HELZ: variants seen among roughly 807,000 people sequenced by gnomAD.
The protein encoded by HELZ is helicase with zinc finger.
A neutral mutation model predicts 218.2 loss-of-function variants in HELZ; 23 were observed. That is an observed-to-expected ratio of 0.11 (90% CI 0.08 to 0.15). HELZ has a LOEUF of 0.15. Among genes scored for constraint, HELZ ranks in the 10% least tolerant of loss-of-function variants. The pLI is 1.00. For missense variants in HELZ, 1,813 were observed against 2,353.7 expected, an observed-to-expected ratio of 0.77 and a Z score of 4.75; for synonymous variants, 814 against 829.4, an observed-to-expected ratio of 0.98 and a Z score of 0.32.
At chr17:67,226,845 AT>A (rs2040907074) in intron 3 of HELZ, among the ~76,000 whole-genome samples, 1 of 152,218 alleles carries the variant, frequency 6.6e-6, no homozygotes, top group Non-Finnish European at 1.5e-5. Context: ...ACTTGAATTA[AT>A]CTCAAAAACA....
At chr17:67,216,022 T>G (rs953333816) in intron 4 of HELZ, 87 bp from the exon 5 acceptor site, 6 of 795,698 alleles carry the variant, frequency 7.5e-6, no homozygotes, top group Non-Finnish European at 1.3e-5. Flanking sequence ...TGGCTTTGTT[T>G]CAAAGTTTAA....
intron 6 of HELZ, among the ~76,000 whole-genome samples, chr17:67,202,491 A>G (rs1162707576): frequency 1.3e-5 from 2 of 152,206 alleles, no homozygotes; most frequent in Non-Finnish European, 2.9e-5. Flanking sequence ...CAATTCAGCA[A>G]GACTCCGTAA....
intron 5 of HELZ, among the ~76,000 whole-genome samples, chr17:67,214,557 C>A (rs144198984): frequency 2.0e-5 from 3 of 151,598 alleles, no homozygotes; most frequent in South Asian, 4.2e-4. Context: ...TGAGCCACCA[C>A]GCCCGGCCTA....
chr17:67,110,775 C>T (rs1279903803), intron 28 of HELZ, among the ~76,000 whole-genome samples: 1 of 152,216 alleles, frequency 6.6e-6, no homozygotes, highest in African/African-American at 2.4e-5. Context: ...TAGAGCAGAA[C>T]AGCTCCAACA....
intron 31 of HELZ, among the ~76,000 whole-genome samples, chr17:67,096,274 A>G (rs911705293): frequency 6.6e-6 from 1 of 152,170 alleles, no homozygotes; most frequent in Non-Finnish European, 1.5e-5. Flanking sequence ...GCATGGATTC[A>G]GCATCATTCT....
chr17:67,181,820 G>A (rs551457714), intron 12 of HELZ, among the ~76,000 whole-genome samples: 23 of 151,594 alleles, frequency 1.5e-4, no homozygotes, highest in African/African-American at 5.3e-4. Context: ...CTAAGGATAC[G>A]GTATGCAAAA....
chr17:67,096,064 A>T (rs1352064593), intron 31 of HELZ, among the ~76,000 whole-genome samples: 2 of 152,230 alleles, frequency 1.3e-5, no homozygotes, highest in African/African-American at 4.8e-5. Context: ...CAGCTCCATC[A>T]GAGTTCTTGG....
In HELZ at chr17:67,112,584, T is replaced by C. The variant is rs545692561; in HGVS notation, c.3918+1740A>G. On this transcript the variant is annotated intron_variant, in intron 28 of 32. Transcript: ENST00000358691. ...AGTGGGTACTGAATCCTTCCATATA[T>C]AGAAGCTGTGAGTAAGAGATGCTTA... Among the ~76,000 whole-genome samples the C allele has an allele frequency of 2.0e-5, 3 of 152,310 alleles. No individual in the cohort carries two copies. In the South Asian group the frequency reaches 6.2e-4, roughly 32 times the overall value.
rs1054831977 is a variant in HELZ at position 67,138,096 on chromosome 17, G to A, written c.2788C>T (p.Arg930Cys). The part of the protein sequence containing the change: ...NNAEVFEVVE[R>C]VEELRRKWPV... ...CACTTCCTTCTTAACTCTTCTACAC[G>A]TTCCACCACTTCAAACACCTTTAAA... Residue 930 changes from arginine (R) to cysteine (C), a missense_variant, in exon 22 of 33, where the codon CGT becomes TGT. By Grantham distance (180) the Arg-to-Cys change is radical. Around this residue, in one of 4 missense-constraint regions of HELZ, gnomAD observed 156 missense variants for 274.4 expected, o/e 0.57. Coordinates refer to ENST00000358691, the MANE Select transcript of HELZ (RefSeq NM_014877.4). 3 of 1,608,630 alleles carry A rather than the reference G, an allele frequency of 1.9e-6. No individual in the cohort carries two copies. Among genetic ancestry groups the A allele is most frequent in the Non-Finnish European group, 1.7e-6 (2 of 1,177,192 alleles).
Position 67,233,874 on chromosome 17 carries a change from C to T in HELZ, c.-19+5559G>A, listed in dbSNP as rs553108368. 8.5e-4 allele frequency among the ~76,000 whole-genome samples: 129 copies of T among 151,894 alleles called. 1 individual carries two copies. Among genetic ancestry groups the T allele is most frequent in the Middle Eastern group, 3.4e-3 (1 of 294 alleles). On this transcript the variant is annotated intron_variant, in intron 3 of 32. Transcript: ENST00000358691. ...CTGTATACATAGAAACCCCCACCCCCGTCTCTACTAAAAATACAAAAATTA... is the reference window on the plus strand; with the variant it reads ...CTGTATACATAGAAACCCCCACCCCTGTCTCTACTAAAAATACAAAAATTA...
chr17:67,205,187 A>G lies in HELZ; in HGVS notation c.248-1744T>C, dbSNP rs1384700006. On this transcript the variant is annotated intron_variant, in intron 5 of 32. Coordinates refer to ENST00000358691, the MANE Select transcript of HELZ (RefSeq NM_014877.4). ...ACTAAAAATACAAAAATTAGCGGGCATGGTGGCAGGCACCTGTAATCCCAG... is the reference window on the plus strand; with the variant it reads ...ACTAAAAATACAAAAATTAGCGGGCGTGGTGGCAGGCACCTGTAATCCCAG... 2.0e-5 allele frequency among the ~76,000 whole-genome samples: 3 copies of G among 151,948 alleles called. No homozygotes were observed. The South Asian group carries it at 6.2e-4, about 32-fold the overall frequency.
Position 67,107,240 on chromosome 17 carries a change from T to C in HELZ, c.5170A>G (p.Ile1724Val), listed in dbSNP as rs201814902. ...FVQIQNHQHA[I>V]GQEPFHPLSS... ...AATGGGTGAAATGGCTCTTGACCAA[T>C]AGCATGTTGATGATTCTGTATTTGT... The change falls in exon 31 of 33, where the codon ATT (isoleucine) becomes GTT (valine). Residue 1724 changes from isoleucine to valine, a missense_variant. Physicochemically the swap from Ile to Val is conservative, Grantham distance 29. Transcript: ENST00000358691. 39 of 1,614,120 alleles carry C rather than the reference T, an allele frequency of 2.4e-5. No individual in the cohort carries two copies. The Admixed American group carries it at 2.8e-4, about 12-fold the overall frequency.
chr17:67,217,625 G>A (rs982577827), intron 4 of HELZ, among the ~76,000 whole-genome samples: 2 of 151,998 alleles, frequency 1.3e-5, no homozygotes, highest in Non-Finnish European at 2.9e-5. Context: ...CCTCTCCACC[G>A]CGTGCACTCT....
At chr17:67,123,815 C>CTG (rs58616216) in intron 25 of HELZ, 148 bp downstream of exon 25, 61,393 of 530,938 alleles carry the variant, frequency 0.12, 1,086 homozygotes, top group Middle Eastern at 0.12. Flanking sequence ...TCCAAAGTGA[C>CTG]TGTGTGTGTG....
intron 5 of HELZ, among the ~76,000 whole-genome samples, chr17:67,214,048 TGGGGGAAGGA>T (rs1411387523): frequency 4.2e-4 from 64 of 152,252 alleles, no homozygotes; most frequent in African/African-American, 1.5e-3. Flanking sequence ...CTTCTTCAGA[TGGGGGAAGGA>T]TAAATTTTTC....
rs2035955204 is a variant in HELZ, at chr17:67,073,971, G to A, written c.*4281C>T. The A allele has an allele frequency of 6.6e-6, 1 of 152,148 alleles. No individual in the cohort carries two copies. Among genetic ancestry groups the A allele is most frequent in the African/African-American group, 2.4e-5 (1 of 41,438 alleles). The allele number at this position is 152,148 out of a possible 1,614,324, so 9.4% of individuals were successfully genotyped here. A position where few individuals can be genotyped will look rare whatever the true frequency, so the allele number is the denominator to read the frequency against. On this transcript the variant is annotated 3_prime_UTR_variant, in exon 33 of 33. Transcript: ENST00000358691. ...GTTACTCTTTCAAGATGGAGATGGT[G>A]TCTTTGTAAGTGATTGGCACCACTA...
intron 24 of HELZ, among the ~76,000 whole-genome samples, chr17:67,126,863 AAAT>A (rs1425610680): frequency 6.6e-6 from 1 of 151,668 alleles, no homozygotes; most frequent in African/African-American, 2.4e-5. Flanking sequence ...CTGTCTCAAA[AAAT>A]AATAATAGTA....
At chr17:67,237,819 T>A (rs2041223581) in intron 3 of HELZ, among the ~76,000 whole-genome samples, 1 of 150,850 alleles carries the variant, frequency 6.6e-6, no homozygotes, top group Non-Finnish European at 1.5e-5. Context: ...TGAACCCCCA[T>A]CTCCAGTAAA....
At chr17:67,171,645 C>A (rs1002783692) in intron 13 of HELZ, among the ~76,000 whole-genome samples, 11 of 152,146 alleles carry the variant, frequency 7.2e-5, no homozygotes, top group Admixed American at 1.3e-4. Context: ...CTGAAAAATG[C>A]AAATCTGGTA....
Sources: allele counts gnomAD v4.1 joint callset (sites outside exome capture counted in the v4.1 genomes callset), GRCh38; gene constraint gnomAD v4.1.1; regional missense constraint gnomAD v4.1.1; transcripts MANE v1.5; gene names NCBI Gene and HGNC (gene_info 2026-07-23, HGNC 2026-07-21).